The following ADD2 variants were observed in gnomAD, a reference collection of about 807,000 sequenced individuals.
The protein encoded by ADD2 is beta-adducin.
In ADD2, 23 loss-of-function variants were observed where a neutral mutation model predicts 83.0. That is an observed-to-expected ratio of 0.28 (90% CI 0.20 to 0.39). ADD2 has a LOEUF of 0.39. Among genes scored for constraint, ADD2 ranks in the 10% least tolerant of loss-of-function variants. ADD2 has a pLI of 1.00. For synonymous variants in ADD2, 375 were observed against 375.4 expected (o/e 1.00, Z 0.01); for missense variants, 758 against 944.9 (o/e 0.80, Z 2.59).
intron 4 of ADD2, 58 bp downstream of exon 4, chr2:70,704,263 T>TGCCCCCCCCCCCCCCCCCCCCCCCAC: frequency 2.2e-6 from 2 of 913,238 alleles, no homozygotes; most frequent in Non-Finnish European, 3.4e-6. Flanking sequence ...CTCCCTCTCT[T>TGCCCCCCCCCCCCCCCCCCCCCCCAC]CCCCACCCCA....
At chr2:70,725,963 G>A (rs3860458) in intron 1 of ADD2, among the ~76,000 whole-genome samples, 12,847 of 151,800 alleles carry the variant, frequency 0.085, 577 homozygotes, top group East Asian at 0.12. Context: ...CAAGGCGGGC[G>A]GATCACGAGG....
In ADD2 at chr2:70,746,201, T is replaced by G. The variant is rs1674185768; in HGVS notation, c.-154+21685A>C. Among the ~76,000 whole-genome samples, 3 of 152,342 alleles carry G rather than the reference T, an allele frequency of 2.0e-5. No homozygotes were observed. The South Asian group carries it at 6.2e-4, about 32-fold the overall frequency. ...CCCAGCTCAAATGTCAACCCCTTTG[T>G]GAGATTTTCTCTGATCTCTGGAGCA... On this transcript the variant is annotated intron_variant, in intron 1 of 15. Coordinates refer to ENST00000264436, the MANE Select transcript of ADD2 (RefSeq NM_001617.4).
chr2:70,683,446 TA>T, intron 10 of ADD2, 144 bp downstream of exon 10: 1 of 926,178 alleles, frequency 1.1e-6, no homozygotes, highest in Non-Finnish European at 1.6e-6. Flanking sequence ...CCACACATTC[TA>T]AATCAAATTT....
chr2:70,686,300 G>A (rs1276892355), intron 9 of ADD2, among the ~76,000 whole-genome samples: 1 of 152,174 alleles, frequency 6.6e-6, no homozygotes, highest in Non-Finnish European at 1.5e-5. Flanking sequence ...GGGAAAAAAA[G>A]GTCACTGGAG....
chr2:70,765,318 G>A (rs1209794029), intron 1 of ADD2, among the ~76,000 whole-genome samples: 7 of 152,058 alleles, frequency 4.6e-5, no homozygotes, highest in Admixed American at 1.3e-4. Context: ...ATGCCACTGC[G>A]CTCCAGCCTG....
At chr2:70,711,021 CTT>C (rs1456824243) in intron 2 of ADD2, 1 of 152,080 alleles carries the variant, frequency 6.6e-6, no homozygotes, top group Non-Finnish European at 1.5e-5. Context: ...CTAATTCAAT[CTT>C]GAGCTACATC....
At position 70,706,527 on chromosome 2, in the gene ADD2, T is replaced by A. The variant is rs11682965; in HGVS notation, c.-34-85A>T. Reference sequence around the variant, plus strand: ...TCTCAGAGCACAGGGCTAGGTTCAGTTGGATTCTCAGTGGGGTACGGCTGT... The same window carrying A: ...TCTCAGAGCACAGGGCTAGGTTCAGATGGATTCTCAGTGGGGTACGGCTGT... On this transcript the variant is annotated intron_variant, in intron 2 of 15. Transcript: ENST00000264436. This position sits in a 1 kb window ranked among gnomAD's most constrained non-coding sequence, Gnocchi z 5.0. 0.34 allele frequency: 428,249 copies of A among 1,269,430 alleles called. 77,448 individuals carry two copies. Among genetic ancestry groups the A allele is most frequent in the Non-Finnish European group, 0.38 (352,708 of 933,812 alleles). 78.6% of individuals were successfully genotyped at this position (1,269,430 alleles called of 1,614,324 possible). A position where few individuals can be genotyped will look rare whatever the true frequency, so the allele number is the denominator to read the frequency against.
intron 1 of ADD2, among the ~76,000 whole-genome samples, chr2:70,758,562 G>A (rs1268889001): frequency 9.2e-5 from 14 of 152,136 alleles, no homozygotes; most frequent in Admixed American, 9.2e-4. Flanking sequence ...TATCCGGAGG[G>A]TAGAGAAATG....
At chr2:70,761,165 TG>T (rs1675065542) in intron 1 of ADD2, among the ~76,000 whole-genome samples, 1 of 151,848 alleles carries the variant, frequency 6.6e-6, no homozygotes, top group Non-Finnish European at 1.5e-5. Context: ...AGATAGCAGC[TG>T]TTAGTATGGT....
intron 1 of ADD2, among the ~76,000 whole-genome samples, chr2:70,716,811 G>A (rs1455115950): frequency 6.6e-6 from 1 of 152,120 alleles, no homozygotes; most frequent in Non-Finnish European, 1.5e-5. Flanking sequence ...GTGCCTCAGT[G>A]CCCAAATCAC....
intron 1 of ADD2, among the ~76,000 whole-genome samples, chr2:70,727,729 T>C (rs921410924): frequency 6.6e-6 from 1 of 151,980 alleles, no homozygotes; most frequent in African/African-American, 2.4e-5. Context: ...ACCCTGTCTC[T>C]ACTAAAATAT....
chr2:70,677,613 G>A (rs1670230881), intron 12 of ADD2, 145 bp downstream of exon 12: 1 of 1,079,190 alleles, frequency 9.3e-7, no homozygotes, highest in South Asian at 1.5e-5. Flanking sequence ...CTGGGCCATG[G>A]TCAGTCAATG....
chr2:70,764,175 A>G (rs1350637954), intron 1 of ADD2, among the ~76,000 whole-genome samples: 3 of 151,824 alleles, frequency 2.0e-5, no homozygotes, highest in Non-Finnish European at 4.4e-5. Flanking sequence ...GGCGTGAGCC[A>G]CCGCGCCCGG....
At chr2:70,683,314 A>G (rs184640304) in intron 10 of ADD2, among the ~76,000 whole-genome samples, 53 of 152,280 alleles carry the variant, frequency 3.5e-4, no homozygotes, top group African/African-American at 1.2e-3. Context: ...GGTGTGAGCC[A>G]CTGCGCCCGG....
At chr2:70,678,444 C>T (rs1553368844) in intron 11 of ADD2, among the ~76,000 whole-genome samples, 1 of 152,132 alleles carries the variant, frequency 6.6e-6, no homozygotes, top group East Asian at 1.9e-4. Context: ...CCAACTGGTT[C>T]TGGGTCATGT....
rs1553372684 is a variant in ADD2 at position 70,696,309 on chromosome 2, A to G, written c.410T>C (p.Ile137Thr). The G allele has an allele frequency of 6.2e-7, 1 of 1,613,938 alleles. No individual in the cohort carries two copies. Among genetic ancestry groups the G allele is most frequent in the Non-Finnish European group, 8.5e-7 (1 of 1,179,970 alleles). ...GTCCAGGAGTCGGTAGACACTGCTG[A>G]TCTTGCACCGCATGAGCCGCTCCCC... Reference protein sequence around the residue: ...AKGERLMRCKISSVYRLLDLY... With the variant: ...AKGERLMRCKTSSVYRLLDLY... The change falls in exon 5 of 16, where the codon ATC (isoleucine) becomes ACC (threonine). Residue 137 changes from isoleucine to threonine, a missense_variant. Ile to Thr is a moderately conservative substitution (Grantham distance 89). Around this residue, in one of 5 missense-constraint regions of ADD2, gnomAD observed 175 missense variants for 192.1 expected, o/e 0.91. Transcript: ENST00000264436.
intron 1 of ADD2, among the ~76,000 whole-genome samples, chr2:70,753,020 G>A (rs1428127772): frequency 2.6e-5 from 4 of 152,116 alleles, no homozygotes; most frequent in African/African-American, 4.8e-5. Context: ...TAAAGCCAAG[G>A]CCCAAAAGAG....
rs1670155634 is a variant in ADD2 at position 70,676,609 on chromosome 2, T to C, written c.1593+187A>G. 1.4e-6 allele frequency: 2 copies of C among 1,442,308 alleles called. No individual in the cohort carries two copies. The highest frequency in any genetic ancestry group is 1.5e-5 in the South Asian group (1 of 66,702). The allele number at this position is 1,442,308 out of a possible 1,614,324, so 89.3% of individuals were successfully genotyped here. On this transcript the variant is annotated intron_variant, in intron 13 of 15. Transcript: ENST00000264436. This position sits in a 1 kb window ranked among gnomAD's most constrained non-coding sequence, Gnocchi z 4.8. ...CAGTGCCCACAGGGGCCATCAGACA[T>C]TGTCCTCCCTGGTCCTCACAGCACC... is the stretch of plus-strand genomic sequence containing the variant.
chr2:70,669,873 G>GAGAC (rs56764457), intron 15 of ADD2, among the ~76,000 whole-genome samples: 93 of 141,876 alleles, frequency 6.6e-4, no homozygotes, highest in African/African-American at 2.3e-3. Flanking sequence ...GACAGACAGA[G>GAGAC]AGACAGACAG....
Sources: allele counts gnomAD v4.1 joint callset (sites outside exome capture counted in the v4.1 genomes callset), GRCh38; gene constraint gnomAD v4.1.1; regional missense constraint gnomAD v4.1.1; non-coding constraint Gnocchi (gnomAD v3.1); transcripts MANE v1.5; gene names NCBI Gene and HGNC (gene_info 2026-07-23, HGNC 2026-07-21).